The following DUOX1 variants were observed in gnomAD, a reference collection of about 807,000 sequenced individuals.
DUOX1 encodes dual oxidase 1.
Under a neutral mutation model 181.8 loss-of-function variants are expected in DUOX1, and 134 were observed. The observed-to-expected ratio is 0.74, with a 90% CI of 0.64 to 0.85. DUOX1 has a LOEUF of 0.85. Ranked by LOEUF, DUOX1 falls within the 40% of genes least tolerant of loss-of-function variation. The pLI is 0.00. For synonymous variants in DUOX1, 798 were observed against 832.5 expected (o/e 0.96, Z 0.71); for missense variants, 1,814 against 2,064.4 (o/e 0.88, Z 2.35).
intron 9 of DUOX1, 140 bp from the exon 10 acceptor site, chr15:45,137,784 T>C (rs1433426478): frequency 3.5e-6 from 2 of 575,482 alleles, no homozygotes; most frequent in Non-Finnish European, 6.0e-6. Context: ...CCCTCCAGGA[T>C]GTGCTAAGGT....
intron 23 of DUOX1, 113 bp from the exon 24 acceptor site, chr15:45,151,761 C>A: frequency 1.1e-5 from 12 of 1,137,216 alleles, no homozygotes; most frequent in Non-Finnish European, 1.5e-5. Context: ...AGGTTTCTTT[C>A]TCGGAAGCAG....
rs1297230224 is a variant in DUOX1, at chr15:45,143,241, A to G, written c.1874A>G (p.Lys625Arg). 6.2e-7 allele frequency: 1 copy of G among 1,614,000 alleles called. No individual in the cohort carries two copies. Among genetic ancestry groups the G allele is most frequent in the African/African-American group, 1.3e-5 (1 of 74,904 alleles). ...IVARLRMRNF[K>R]RLQGQDRQSI... ...GCCCGGCTCCGGATGAGAAATTTCAAGAGGCTCCAGGGCCAGGACCGCCAG... is the reference window on the plus strand; with the variant it reads ...GCCCGGCTCCGGATGAGAAATTTCAGGAGGCTCCAGGGCCAGGACCGCCAG... The change falls in exon 16 of 34, where the codon AAG becomes AGG. Residue 625 changes from lysine (K) to arginine (R), a missense_variant. Transcript: ENST00000389037.
intron 21 of DUOX1, 160 bp downstream of exon 21, chr15:45,148,607 A>G: frequency 1.7e-6 from 1 of 599,354 alleles, no homozygotes; most frequent in Non-Finnish European, 2.5e-6. Context: ...TCTGGATTGT[A>G]GTTTTCTTTA....
chr15:45,160,615 G>A (rs902486891), intron 28 of DUOX1, among the ~76,000 whole-genome samples: 1 of 152,240 alleles, frequency 6.6e-6, no homozygotes, highest in Non-Finnish European at 1.5e-5. Context: ...ACTTGGTCTA[G>A]GGTGGTGTCA....
rs745375668 is a variant in DUOX1 at position 45,155,920 on chromosome 15, C to G, written c.3693C>G (p.Leu1231=). 1.1e-5 allele frequency: 17 copies of G among 1,614,194 alleles called. No individual in the cohort carries two copies. Among genetic ancestry groups the G allele is most frequent in the Admixed American group, 6.7e-5 (4 of 60,030 alleles). The change falls in exon 28 of 34, where the codon CTC becomes CTG. Residue 1231 remains leucine (L), a synonymous_variant. Coordinates refer to ENST00000389037, the MANE Select transcript of DUOX1 (RefSeq NM_175940.3). ...FWLTHHLYIL[L]YVLLIIHGSF... ...TGACCCACCACCTCTACATCCTGCTCTATGTCCTGGTGAGGGCTTTTGGCT... is the reference window on the plus strand; with the variant it reads ...TGACCCACCACCTCTACATCCTGCTGTATGTCCTGGTGAGGGCTTTTGGCT...
chr15:45,138,029 C>T lies in DUOX1; in HGVS notation c.1113+15C>T. 1.9e-6 allele frequency: 3 copies of T among 1,590,722 alleles called. No homozygotes were observed. Among genetic ancestry groups the T allele is most frequent in the East Asian group, 2.3e-5 (1 of 44,000 alleles). ...GGAGCCGTGAGGTCCGAGCTGGGGGCCACATATGTGGTGGATGTGTGTGTG... is the reference window on the plus strand; with the variant it reads ...GGAGCCGTGAGGTCCGAGCTGGGGGTCACATATGTGGTGGATGTGTGTGTG... On this transcript the variant is annotated intron_variant, in intron 10 of 33. Coordinates refer to ENST00000389037, the MANE Select transcript of DUOX1 (RefSeq NM_175940.3).
chr15:45,151,144 C>A lies in DUOX1; in HGVS notation c.2910C>A (p.Ala970=), dbSNP rs149622702. ...DMICPSPRVS[A]RCSRSDIETE... ...TTAGTCCCTCTCCCAGAGTGAGTGC[C>A]CGCTGTTCCCGCAGCGACATTGAGA... The change falls in exon 23 of 34, where the codon GCC becomes GCA. Residue 970 remains alanine (A), a synonymous_variant. Transcript: ENST00000389037. 3.5e-4 allele frequency: 570 copies of A among 1,614,138 alleles called. 5 individuals carry two copies. The African/African-American group carries it at 6.6e-3, about 19-fold the overall frequency.
At chr15:45,151,680 G>A in intron 23 of DUOX1, 194 bp from the exon 24 acceptor site, 3 of 591,400 alleles carry the variant, frequency 5.1e-6, no homozygotes, top group Non-Finnish European at 8.7e-6. Context: ...TCCCTCCACT[G>A]CCAGCTTGCT....
At position 45,140,880 on chromosome 15, in the gene DUOX1, C is replaced by G; in HGVS notation, c.1390-15C>G. On this transcript the variant is annotated splice_polypyrimidine_tract_variant and intron_variant, in intron 12 of 33. Coordinates refer to ENST00000389037, the MANE Select transcript of DUOX1 (RefSeq NM_175940.3). ...CCGTGTCCTTTCTCTTACTTCTGCC[C>G]CTTCTTGGTTCCAGGTACTGGAGGC... 14 of 1,611,828 alleles carry G rather than the reference C, an allele frequency of 8.7e-6. No homozygotes were observed. Among genetic ancestry groups the G allele is most frequent in the Non-Finnish European group, 1.1e-5 (13 of 1,178,326 alleles).
intron 19 of DUOX1, 50 bp from the exon 20 acceptor site, chr15:45,147,854 G>A (rs1668962044): frequency 6.4e-7 from 1 of 1,556,604 alleles, no homozygotes; most frequent in Non-Finnish European, 8.9e-7. Flanking sequence ...CAGCCTGGGG[G>A]TTCAGGCAGG....
At chr15:45,148,148 G>A (rs1896703231) in intron 20 of DUOX1, 124 bp from the exon 21 acceptor site, 1 of 1,477,732 alleles carries the variant, frequency 6.8e-7, no homozygotes, top group East Asian at 2.3e-5. Flanking sequence ...AGGGGGCTTG[G>A]GATGTGGCCA....
chr15:45,134,223 AC>A lies in DUOX1; in HGVS notation c.226del (p.Arg76GlufsTer17). ...CCCTTGGGAGAACCCCACCTGCCCAACCCCCGAGACCTTAGCAACACCATCT... is the reference window on the plus strand; with the variant it reads ...CCCTTGGGAGAACCCCACCTGCCCAACCCCGAGACCTTAGCAACACCATCT... ...YQPLGEPHLP[N>X]PRDLSNTISR... On this transcript the variant is annotated frameshift_variant, in exon 4 of 34. Coordinates refer to ENST00000389037, the MANE Select transcript of DUOX1 (RefSeq NM_175940.3). LOFTEE classifies it high-confidence loss of function. The A allele has an allele frequency of 6.4e-7, 1 of 1,562,080 alleles. No individual in the cohort carries two copies. The highest frequency in any genetic ancestry group is 8.6e-7 in the Non-Finnish European group (1 of 1,159,044).
At position 45,139,168 on chromosome 15, in the gene DUOX1, G is replaced by T. The variant is rs1350552047; in HGVS notation, c.1216G>T (p.Asp406Tyr). 1.2e-6 allele frequency: 2 copies of T among 1,614,176 alleles called. No individual in the cohort carries two copies. Among genetic ancestry groups the T allele is most frequent in the Non-Finnish European group, 8.5e-7 (1 of 1,180,052 alleles). The change falls in exon 11 of 34, where the codon GAT (aspartate) becomes TAT (tyrosine). Residue 406 changes from aspartate to tyrosine, a missense_variant and splice_region_variant. Around this residue, in one of 5 missense-constraint regions of DUOX1, gnomAD observed 1,064 missense variants for 1,152.9 expected, o/e 0.92. Transcript: ENST00000389037. The stretch of plus-strand genomic sequence containing the variant: ...CCATGTGTTGGTTGAAGATGTGCGG[G>T]GTGAGTCTGAGGCTGTCCCTGCAGG... ...EDHVLVEDVRDFWPGPLKFSR... is the reference protein window; with the variant it reads ...EDHVLVEDVRYFWPGPLKFSR...
rs1288406083 is a variant in DUOX1 at position 45,141,427 on chromosome 15, T to C, written c.1684+17T>C. On this transcript the variant is annotated intron_variant, in intron 14 of 33. Coordinates refer to ENST00000389037, the MANE Select transcript of DUOX1 (RefSeq NM_175940.3). ...GGCATAAAGGTGAGTGGCCAAGGGG[T>C]GGCTGGAGGAGTGGTGGGTCTGGAG... 1.9e-6 allele frequency: 3 copies of C among 1,613,500 alleles called. No individual in the cohort carries two copies. Among genetic ancestry groups the C allele is most frequent in the Admixed American group, 3.3e-5 (2 of 60,000 alleles).
At chr15:45,138,036 T>G (rs1008444772) in intron 10 of DUOX1, 22 bp downstream of exon 10, 1 of 1,570,390 alleles carries the variant, frequency 6.4e-7, no homozygotes, top group Admixed American at 1.7e-5. Context: ...GGGCCACATA[T>G]GTGGTGGATG....
At chr15:45,156,067 G>C (rs1414162651) in intron 28 of DUOX1, 138 bp downstream of exon 28, 28 of 1,239,146 alleles carry the variant, frequency 2.3e-5, no homozygotes, top group Non-Finnish European at 2.9e-5. Context: ...CTCTTTGAAG[G>C]TGGAGATGAT....
chr15:45,159,074 G>C (rs1459526117), intron 28 of DUOX1, among the ~76,000 whole-genome samples: 1 of 152,188 alleles, frequency 6.6e-6, no homozygotes, highest in Non-Finnish European at 1.5e-5. Flanking sequence ...CAGGTAAAAG[G>C]AAGGGCATGA....
At position 45,139,118 on chromosome 15, in the gene DUOX1, C is replaced by G; in HGVS notation, c.1166C>G (p.Ala389Gly). Reference sequence around the variant, plus strand: ...GTGGATGCACTGCTGCTGGGCATGGCCTCCCAGATCGCAGAGCGAGAGGAC... The same window carrying G: ...GTGGATGCACTGCTGCTGGGCATGGGCTCCCAGATCGCAGAGCGAGAGGAC... The part of the protein sequence containing the change: ...EDVDALLLGM[A>G]SQIAEREDHV... The change falls in exon 11 of 34, where the codon GCC becomes GGC. Residue 389 changes from alanine to glycine, a missense_variant. Ala to Gly is a moderately conservative substitution (Grantham distance 60). Transcript: ENST00000389037. 6.2e-7 allele frequency: 1 copy of G among 1,614,168 alleles called. No individual in the cohort carries two copies. The highest frequency in any genetic ancestry group is 8.5e-7 in the Non-Finnish European group (1 of 1,180,030).
intron 2 of DUOX1, among the ~76,000 whole-genome samples, chr15:45,133,512 G>A (rs1169194510): frequency 1.3e-5 from 2 of 152,126 alleles, no homozygotes; most frequent in East Asian, 3.9e-4. Flanking sequence ...TCCCCTCAGG[G>A]AGCTGAAGTT....
Sources: gnomAD v4.1 joint callset for allele counts (sites outside exome capture counted in the v4.1 genomes callset) on GRCh38, gnomAD v4.1.1 for gene constraint, gnomAD v4.1.1 regional missense constraint, MANE v1.5 for transcripts, NCBI Gene and HGNC (gene_info 2026-07-23, HGNC 2026-07-21) for gene names.